Variants in SLC44A5 observed in about 807,000 individuals in gnomAD.
SLC44A5 encodes solute carrier family 44 member 5.
Under a neutral mutation model 101.8 loss-of-function variants are expected in SLC44A5, and 57 were observed. That is an observed-to-expected ratio of 0.56 (90% confidence interval 0.45 to 0.70). The LOEUF (loss-of-function observed/expected upper bound fraction) is 0.70, where lower values mean the gene tolerates loss of function less well. Ranked by LOEUF, SLC44A5 falls within the 30% of genes least tolerant of loss-of-function variation. SLC44A5 has a pLI of 0.00. For synonymous variants in SLC44A5, 281 were observed against 290.9 expected (o/e 0.97, Z 0.35); for missense variants, 737 against 853.1 (o/e 0.86, Z 1.70).
At chr1:75,679,249 A>G in the SLC44A5 span, among the ~76,000 whole-genome samples, 174 of 152,254 alleles carry the variant, frequency 1.1e-3, no homozygotes, top group African/African-American at 4.0e-3. Context: ...TCAGATTCAG[A>G]AAACACAGAG....
chr1:75,282,179 A>T (rs1051288561), intron 5 of SLC44A5, among the ~76,000 whole-genome samples: 5 of 152,194 alleles, frequency 3.3e-5, no homozygotes, highest in Non-Finnish European at 7.4e-5. Flanking sequence ...CGTGACCTGG[A>T]TGTGAGACAT....
the SLC44A5 span, among the ~76,000 whole-genome samples, chr1:75,699,503 C>T: frequency 6.6e-5 from 10 of 151,060 alleles, no homozygotes; most frequent in Non-Finnish European, 7.4e-5. Context: ...CTGAAGGAAG[C>T]GCTAAACATG....
At chr1:75,307,126 G>A (rs1022864096) in intron 4 of SLC44A5, among the ~76,000 whole-genome samples, 2 of 152,042 alleles carry the variant, frequency 1.3e-5, no homozygotes, top group African/African-American at 2.4e-5. Flanking sequence ...GAGAACAGAA[G>A]TCCTAAAAGT....
At chr1:75,663,395 C>T in the SLC44A5 span, among the ~76,000 whole-genome samples, 1 of 152,162 alleles carries the variant, frequency 6.6e-6, no homozygotes, top group Non-Finnish European at 1.5e-5. Context: ...TATACTGGCA[C>T]TCTGATCTCA....
intron 3 of SLC44A5, among the ~76,000 whole-genome samples, chr1:75,386,076 T>C (rs1661318912): frequency 6.6e-6 from 1 of 151,980 alleles, no homozygotes. Context: ...ATAAGAGCTA[T>C]CTATGACAAA....
chr1:75,417,592 C>T (rs1186597930), intron 2 of SLC44A5, among the ~76,000 whole-genome samples: 1 of 152,222 alleles, frequency 6.6e-6, no homozygotes, highest in Non-Finnish European at 1.5e-5. Context: ...GTTTGGAAGA[C>T]TGATGATTAA....
At chr1:75,252,966 C>A (rs1303624538) in intron 6 of SLC44A5, among the ~76,000 whole-genome samples, 1 of 152,112 alleles carries the variant, frequency 6.6e-6, no homozygotes. Flanking sequence ...TCAGTGAGGA[C>A]TCCCCCAGAA....
At chr1:75,686,057 A>G in the SLC44A5 span, among the ~76,000 whole-genome samples, 1 of 151,882 alleles carries the variant, frequency 6.6e-6, no homozygotes, top group African/African-American at 2.4e-5. Flanking sequence ...TCTCATGAAA[A>G]CCCATTCACT....
At chr1:75,713,997 T>C in the SLC44A5 span, among the ~76,000 whole-genome samples, 1 of 151,744 alleles carries the variant, frequency 6.6e-6, no homozygotes, top group Non-Finnish European at 1.5e-5. Context: ...AGATGGGATC[T>C]CACTATGTTG....
At chr1:75,222,591 A>T in intron 13 of SLC44A5, 131 bp from the exon 14 acceptor site, 1 of 576,434 alleles carries the variant, frequency 1.7e-6, no homozygotes. Flanking sequence ...AAGAAGTGTT[A>T]TCTCTCCAAA....
At chr1:75,605,448 C>T (rs1395990279) in intron 1 of SLC44A5, among the ~76,000 whole-genome samples, 1 of 152,000 alleles carries the variant, frequency 6.6e-6, no homozygotes, top group African/African-American at 2.4e-5. Flanking sequence ...AAAAAAGATG[C>T]CTGAGAGGCC....
At position 75,217,953 on chromosome 1, in the gene SLC44A5, T is replaced by C; in HGVS notation, c.1537A>G (p.Thr513Ala). Reference sequence around the variant, plus strand: ...AAAGATCCAAATGCTAGGGATCCTGTGTGATATCTGCACAAAAATAAAATG... The same window carrying C: ...AAAGATCCAAATGCTAGGGATCCTGCGTGATATCTGCACAAAAATAAAATG... ...TAFGRAIRYHTGSLAFGSLII... is the reference protein window; with the variant it reads ...TAFGRAIRYHAGSLAFGSLII... Residue 513 changes from threonine (T) to alanine (A), a missense_variant, in exon 18 of 24, where the codon ACA (threonine) becomes GCA (alanine). By Grantham distance (58) the Thr-to-Ala change is moderately conservative (BLOSUM62 0). Around this residue, in one of 3 missense-constraint regions of SLC44A5, gnomAD observed 665 missense variants for 764.4 expected, o/e 0.87. Coordinates refer to ENST00000370859, the MANE Select transcript of SLC44A5 (RefSeq NM_001130058.2). The C allele has an allele frequency of 3.2e-6, 5 of 1,585,436 alleles. No homozygotes were observed. Among genetic ancestry groups the C allele is most frequent in the Non-Finnish European group, 4.3e-6 (5 of 1,154,876 alleles).
chr1:75,588,049 A>G (rs1398380915), intron 1 of SLC44A5, among the ~76,000 whole-genome samples: 2 of 152,192 alleles, frequency 1.3e-5, no homozygotes, highest in Non-Finnish European at 2.9e-5. Context: ...AGGACAAAGA[A>G]AAAGGAGTGT....
At position 75,514,046 on chromosome 1, in the gene SLC44A5, T is replaced by C. The variant is rs370753208; in HGVS notation, c.13+27389A>G. ...TTTTTGTAGAGCTGGAGTCTCTCTA[T>C]AGTGCCCAGGTTTGTCCTGAACTCT... is the stretch of plus-strand genomic sequence containing the variant. On this transcript the variant is annotated intron_variant, in intron 2 of 23. Coordinates refer to ENST00000370859, the MANE Select transcript of SLC44A5 (RefSeq NM_001130058.2). 8.1e-4 allele frequency among the ~76,000 whole-genome samples: 123 copies of C among 152,284 alleles called. 2 individuals are homozygous for C. The South Asian group carries it at 0.025, about 31-fold the overall frequency.
At chr1:75,234,417 A>G (rs1307307092) in intron 11 of SLC44A5, among the ~76,000 whole-genome samples, 2 of 152,064 alleles carry the variant, frequency 1.3e-5, no homozygotes, top group African/African-American at 2.4e-5. Flanking sequence ...GACAGTTGCC[A>G]TGTCTTATTT....
At chr1:75,598,511 C>T (rs1674784547) in intron 1 of SLC44A5, among the ~76,000 whole-genome samples, 1 of 152,166 alleles carries the variant, frequency 6.6e-6, no homozygotes, top group Non-Finnish European at 1.5e-5. Context: ...ATAGCAAAGA[C>T]ATGGAATCAA....
At chr1:75,369,126 G>A (rs1660058202) in intron 3 of SLC44A5, among the ~76,000 whole-genome samples, 1 of 151,194 alleles carries the variant, frequency 6.6e-6, no homozygotes, top group African/African-American at 2.4e-5. Flanking sequence ...GAATCTTCCT[G>A]CCTCAGCCTC....
the SLC44A5 span, among the ~76,000 whole-genome samples, chr1:75,667,491 T>C: frequency 6.6e-6 from 1 of 152,110 alleles, no homozygotes; most frequent in Non-Finnish European, 1.5e-5. Context: ...ATCATGAAAA[T>C]GGCCATACTG....
intron 2 of SLC44A5, among the ~76,000 whole-genome samples, chr1:75,495,609 T>C (rs1201144060): frequency 1.3e-5 from 2 of 151,360 alleles, no homozygotes; most frequent in African/African-American, 4.9e-5. Flanking sequence ...AAAATTTCAA[T>C]ACAAGGGCTC....
Sources: gnomAD v4.1 joint callset for allele counts (sites outside exome capture counted in the v4.1 genomes callset) on GRCh38, gnomAD v4.1.1 for gene constraint, gnomAD v4.1.1 regional missense constraint, MANE v1.5 for transcripts, NCBI Gene and HGNC (gene_info 2026-07-23, HGNC 2026-07-21) for gene names.